PLCB4: variants seen among roughly 807,000 people sequenced by gnomAD.
The protein encoded by PLCB4 is phospholipase C beta 4, also known as 1-phosphatidylinositol 4,5-bisphosphate phosphodiesterase beta-4.
In PLCB4, 77 loss-of-function variants were observed where a neutral mutation model predicts 178.8. The ratio of observed to expected loss-of-function variants is 0.43; its 90% CI spans 0.36 to 0.52. The LOEUF is 0.52. PLCB4 is among the 20% of genes least tolerant of loss of function. The pLI is 0.00. For synonymous variants in PLCB4, 496 were observed against 490.8 expected, an observed-to-expected ratio of 1.01 and a Z score of -0.14; for missense variants, 1,024 against 1,453.4, an observed-to-expected ratio of 0.70 and a Z score of 4.80.
intron 3 of PLCB4, among the ~76,000 whole-genome samples, chr20:9,239,438 A>C (rs962817229): frequency 1.3e-5 from 2 of 152,218 alleles, no homozygotes; most frequent in Non-Finnish European, 2.9e-5. Context: ...GCTGACCCCT[A>C]TAACAAAGAC....
chr20:9,158,171 G>GT (rs2092821767), intron 2 of PLCB4, among the ~76,000 whole-genome samples: 2 of 152,210 alleles, frequency 1.3e-5, no homozygotes, highest in Admixed American at 6.5e-5. Flanking sequence ...TACACTACAA[G>GT]TATTTTCAAA....
intron 1 of PLCB4, among the ~76,000 whole-genome samples, chr20:9,079,788 T>C (rs6056387): frequency 0.62 from 94,838 of 152,044 alleles, 29,706 homozygotes; most frequent in South Asian, 0.72. Context: ...ACATGGCTGG[T>C]ATCAGTAAAA....
chr20:9,359,228 A>C (rs1226606081), intron 7 of PLCB4, among the ~76,000 whole-genome samples: 1 of 152,080 alleles, frequency 6.6e-6, no homozygotes, highest in African/African-American at 2.4e-5. Flanking sequence ...CCCGGGGCAA[A>C]GGTGATAGAT....
At position 9,312,394 on chromosome 20, in the gene PLCB4, A is replaced by ACG. The variant is rs11474164; in HGVS notation, c.84+4497_84+4498insGC. 9.8e-3 allele frequency among the ~76,000 whole-genome samples: 1,410 copies of ACG among 143,918 alleles called. 25 individuals are homozygous for ACG. The highest frequency in any genetic ancestry group is 0.092 in the East Asian group (453 of 4,920). The allele number at this position is 143,918 out of a possible 152,430, so 94.4% of individuals were successfully genotyped here. On this transcript the variant is annotated intron_variant, in intron 4 of 39. Transcript: ENST00000378473. ...CACACACACACACACACACACACAC[A>ACG]CACGCACGCACTCACACACACGTGG...
intron 36 of PLCB4, among the ~76,000 whole-genome samples, chr20:9,471,171 A>G (rs1216750019): frequency 6.6e-6 from 1 of 152,228 alleles, no homozygotes; most frequent in Admixed American, 6.5e-5. Context: ...GGAGGGAAAA[A>G]TATAGCCTAG....
intron 7 of PLCB4, among the ~76,000 whole-genome samples, chr20:9,341,493 A>G (rs2033191546): frequency 6.6e-6 from 1 of 152,182 alleles, no homozygotes; most frequent in South Asian, 2.1e-4. Flanking sequence ...AAGAAAAAAT[A>G]TATTATTCAT....
chr20:9,417,140 T>C (rs2040304997), intron 25 of PLCB4, among the ~76,000 whole-genome samples: 1 of 152,148 alleles, frequency 6.6e-6, no homozygotes, highest in South Asian at 2.1e-4. Flanking sequence ...AAAAAAGTAC[T>C]TTTATTTTCA....
chr20:9,113,084 A>G (rs771422559), intron 2 of PLCB4, among the ~76,000 whole-genome samples: 17 of 152,158 alleles, frequency 1.1e-4, no homozygotes, highest in African/African-American at 3.1e-4. Context: ...CTTGACATCA[A>G]TTTATGTGAG....
intron 3 of PLCB4, among the ~76,000 whole-genome samples, chr20:9,303,575 T>C (rs750327915): frequency 1.3e-5 from 2 of 152,338 alleles, no homozygotes; most frequent in East Asian, 1.9e-4. Context: ...ATTTTCTCTA[T>C]GCATTCATTT....
At chr20:9,428,785 G>T (rs1289042270) in intron 28 of PLCB4, among the ~76,000 whole-genome samples, 1 of 152,138 alleles carries the variant, frequency 6.6e-6, no homozygotes, top group African/African-American at 2.4e-5. Context: ...GAGTGTAGGT[G>T]CCATGGGCAG....
rs79588560 is a variant in PLCB4 at position 9,398,274 on chromosome 20, G to A, written c.1510+2656G>A. 5.7e-3 allele frequency among the ~76,000 whole-genome samples: 874 copies of A among 152,304 alleles called. 13 individuals are homozygous for A. Among genetic ancestry groups the A allele is most frequent in the African/African-American group, 0.02 (826 of 41,552 alleles). The stretch of plus-strand genomic sequence containing the variant: ...GAGGGTGAGTGAGTGACAAGGTCAC[G>A]TTGCATAAGAGCACAGAGGAGGGCA... On this transcript the variant is annotated intron_variant, in intron 19 of 39. Coordinates refer to ENST00000378473, the MANE Select transcript of PLCB4 (RefSeq NM_001377142.1).
intron 2 of PLCB4, among the ~76,000 whole-genome samples, chr20:9,134,235 C>G (rs2092336484): frequency 6.6e-6 from 1 of 152,146 alleles, no homozygotes; most frequent in Non-Finnish European, 1.5e-5. Flanking sequence ...ATGCATCCAA[C>G]TTTGAGGACA....
At chr20:9,248,383 T>C (rs986756511) in intron 3 of PLCB4, among the ~76,000 whole-genome samples, 6 of 152,134 alleles carry the variant, frequency 3.9e-5, no homozygotes, top group Non-Finnish European at 7.4e-5. Context: ...AATACCAAAA[T>C]TGGAAATCTT....
chr20:9,100,659 C>T (rs2146627378), intron 2 of PLCB4, among the ~76,000 whole-genome samples: 1 of 152,252 alleles, frequency 6.6e-6, no homozygotes, highest in South Asian at 2.1e-4. Flanking sequence ...GTTTATAATT[C>T]TGTTTCTTAC....
intron 1 of PLCB4, among the ~76,000 whole-genome samples, chr20:9,076,542 G>C (rs1238493695): frequency 6.6e-6 from 1 of 152,146 alleles, no homozygotes; most frequent in Non-Finnish European, 1.5e-5. Context: ...AGACACAGAG[G>C]TTCTCTTGCC....
chr20:9,130,478 A>G (rs2092245043), intron 2 of PLCB4, among the ~76,000 whole-genome samples: 1 of 152,242 alleles, frequency 6.6e-6, no homozygotes, highest in Admixed American at 6.5e-5. Flanking sequence ...GGTTTATAGT[A>G]AATGAATAAC....
chr20:9,371,370 A>G (rs907550041), intron 10 of PLCB4, 75 bp downstream of exon 10: 7 of 769,632 alleles, frequency 9.1e-6, no homozygotes, highest in Non-Finnish European at 1.3e-5. Flanking sequence ...GAGCTAGATT[A>G]TTTATATTAA....
At chr20:9,457,550 A>T in intron 34 of PLCB4, 61 bp downstream of exon 34, 1 of 817,708 alleles carries the variant, frequency 1.2e-6, no homozygotes. Context: ...ATTTTTTAGA[A>T]GGAGTACCTA....
chr20:9,195,196 G>A (rs1601060729), intron 2 of PLCB4, among the ~76,000 whole-genome samples: 2 of 152,182 alleles, frequency 1.3e-5, no homozygotes, highest in Non-Finnish European at 2.9e-5. Flanking sequence ...TTAGCTTTGT[G>A]TGGAACTGGG....
Sources: allele counts gnomAD v4.1 joint callset (sites outside exome capture counted in the v4.1 genomes callset), GRCh38; gene constraint gnomAD v4.1.1; transcripts MANE v1.5; gene names NCBI Gene and HGNC (gene_info 2026-07-23, HGNC 2026-07-21).